The following TRAPPC9 variants were observed in gnomAD, a reference collection of about 807,000 sequenced individuals.
TRAPPC9 encodes trafficking protein particle complex subunit 9, also known as IKK2 binding protein.
Under a neutral mutation model 124.0 loss-of-function variants are expected in TRAPPC9, and 83 were observed. The ratio of observed to expected loss-of-function variants is 0.67; its 90% CI spans 0.56 to 0.80. The LOEUF is 0.80. Ranked by LOEUF, TRAPPC9 falls within the 30% of genes least tolerant of loss-of-function variation. TRAPPC9 has a pLI of 0.00. For missense variants in TRAPPC9, 1,302 were observed against 1,508.3 expected (o/e 0.86, Z 2.27); for synonymous variants, 638 against 617.5 (o/e 1.03, Z -0.49).
At chr8:140,450,765 G>A (rs1415802536) in intron 2 of TRAPPC9, 25 bp downstream of exon 2, 5 of 1,571,000 alleles carry the variant, frequency 3.2e-6, no homozygotes, top group South Asian at 2.3e-5. Context: ...GAAGCCAAGG[G>A]GCCTGGGTCT....
chr8:140,054,450 C>A (rs1025288593), intron 17 of TRAPPC9, among the ~76,000 whole-genome samples: 3 of 152,020 alleles, frequency 2.0e-5, no homozygotes, highest in Non-Finnish European at 4.4e-5. Context: ...GCAATAAACA[C>A]CTGTAATAAA....
At chr8:140,085,166 T>C (rs1587672636) in intron 17 of TRAPPC9, among the ~76,000 whole-genome samples, 1 of 151,836 alleles carries the variant, frequency 6.6e-6, no homozygotes, top group Non-Finnish European at 1.5e-5. Flanking sequence ...AAAAAGAGAG[T>C]TCCCCGACGC....
intron 9 of TRAPPC9, among the ~76,000 whole-genome samples, chr8:140,339,203 G>A (rs1240926591): frequency 2.0e-5 from 3 of 152,216 alleles, no homozygotes; most frequent in Non-Finnish European, 4.4e-5. Context: ...TGGCCTTACA[G>A]CCACCTACAG....
chr8:139,843,009 G>T (rs1276214918), intron 21 of TRAPPC9, among the ~76,000 whole-genome samples: 6 of 152,362 alleles, frequency 3.9e-5, no homozygotes, highest in African/African-American at 1.4e-4. Flanking sequence ...GCCTGCCCCA[G>T]CCACTGCCCA....
intron 15 of TRAPPC9, among the ~76,000 whole-genome samples, chr8:140,263,309 A>C (rs1446649353): frequency 2.0e-5 from 3 of 152,134 alleles, no homozygotes; most frequent in African/African-American, 7.2e-5. Flanking sequence ...CATTACTCTC[A>C]GAGCTCCGGG....
rs192426020 is a variant in TRAPPC9, at chr8:139,932,261, C to T, written c.2811-21961G>A. 6.6e-5 allele frequency: 30 copies of T among 452,664 alleles called. 1 individual carries two copies. Among genetic ancestry groups the T allele is most frequent in the African/African-American group, 3.8e-4 (19 of 50,150 alleles). The allele number at this position is 452,664 out of a possible 1,614,324, so 28.0% of individuals were successfully genotyped here. ...GTGCAGCCGAGGGAGTCCCGCACCACGGGGCCTCGCTCAGGGTAGCCACCA... is the reference window on the plus strand; with the variant it reads ...GTGCAGCCGAGGGAGTCCCGCACCATGGGGCCTCGCTCAGGGTAGCCACCA... On this transcript the variant is annotated intron_variant, in intron 19 of 22. Coordinates refer to ENST00000438773, the MANE Select transcript of TRAPPC9 (RefSeq NM_001160372.4).
chr8:139,826,866 A>G (rs1428190564), intron 21 of TRAPPC9, among the ~76,000 whole-genome samples: 1 of 152,208 alleles, frequency 6.6e-6, no homozygotes, highest in Non-Finnish European at 1.5e-5. Context: ...ATCAGTACAG[A>G]GAGCAAGGCA....
At chr8:139,906,786 C>T (rs569599985) in intron 20 of TRAPPC9, among the ~76,000 whole-genome samples, 6 of 152,306 alleles carry the variant, frequency 3.9e-5, no homozygotes, top group African/African-American at 7.2e-5. Context: ...GAGCTGCTCA[C>T]GCAGTGGCTC....
At chr8:140,418,387 C>T (rs941242121) in intron 5 of TRAPPC9, among the ~76,000 whole-genome samples, 4 of 152,150 alleles carry the variant, frequency 2.6e-5, no homozygotes, top group African/African-American at 9.7e-5. Flanking sequence ...AAACCAGAAA[C>T]AGACATCAAA....
chr8:140,033,688 T>TGTTG (rs1563707023), intron 17 of TRAPPC9, among the ~76,000 whole-genome samples: 1 of 115,080 alleles, frequency 8.7e-6, no homozygotes, highest in Non-Finnish European at 1.7e-5. Flanking sequence ...TTTTTTTTTT[T>TGTTG]TTTTTTTTTT....
At chr8:139,902,832 C>T (rs1312470096) in intron 20 of TRAPPC9, among the ~76,000 whole-genome samples, 1 of 152,196 alleles carries the variant, frequency 6.6e-6, no homozygotes, top group African/African-American at 2.4e-5. Context: ...CGGAAGGCAA[C>T]TCCTCCTTAC....
chr8:140,126,263 G>C (rs2061094910), intron 17 of TRAPPC9, among the ~76,000 whole-genome samples: 3 of 152,038 alleles, frequency 2.0e-5, no homozygotes, highest in Admixed American at 2.0e-4. Flanking sequence ...GGAGGGAGAG[G>C]ACCAGGCTGG....
chr8:140,192,657 C>A (rs1322879590), intron 17 of TRAPPC9, among the ~76,000 whole-genome samples: 1 of 152,232 alleles, frequency 6.6e-6, no homozygotes, highest in Non-Finnish European at 1.5e-5. Context: ...ACATGAGATG[C>A]ATTGAATGAA....
chr8:139,847,727 C>CGA (rs1165178453), intron 21 of TRAPPC9, among the ~76,000 whole-genome samples: 2,010 of 151,906 alleles, frequency 0.013, 38 homozygotes, highest in African/African-American at 0.045. Flanking sequence ...CACCTGCCCC[C>CGA]CTGGTGGCCC....
intron 17 of TRAPPC9, among the ~76,000 whole-genome samples, chr8:140,043,429 C>T (rs779319010): frequency 2.0e-5 from 3 of 152,206 alleles, no homozygotes; most frequent in Non-Finnish European, 4.4e-5. Flanking sequence ...AGTAACATGT[C>T]CCAGACCTCA....
chr8:140,058,517 C>T (rs545112067), intron 17 of TRAPPC9, among the ~76,000 whole-genome samples: 3 of 152,248 alleles, frequency 2.0e-5, no homozygotes, highest in African/African-American at 7.2e-5. Flanking sequence ...GCTGTGCACC[C>T]GGAAAACAGA....
intron 19 of TRAPPC9, among the ~76,000 whole-genome samples, chr8:139,980,816 G>A (rs1836843315): frequency 6.6e-6 from 1 of 152,178 alleles, no homozygotes; most frequent in Non-Finnish European, 1.5e-5. Flanking sequence ...GTGGGCGTGG[G>A]AGGAGCCACA....
At chr8:140,347,322 C>T (rs1416252312) in intron 9 of TRAPPC9, among the ~76,000 whole-genome samples, 3 of 152,228 alleles carry the variant, frequency 2.0e-5, no homozygotes, top group East Asian at 1.9e-4. Flanking sequence ...GACACCGAAA[C>T]GATGCTTCAC....
intron 21 of TRAPPC9, among the ~76,000 whole-genome samples, chr8:139,857,072 G>GCGGGTGCCTGCCCTGCATTT (rs71276841): frequency 2.0e-5 from 3 of 151,608 alleles, no homozygotes; most frequent in African/African-American, 7.3e-5. Flanking sequence ...TCAGACAGAG[G>GCGGGTGCCTGCCCTGCATTT]TGAAAGAGCA....
Sources: gnomAD v4.1 joint callset for allele counts (sites outside exome capture counted in the v4.1 genomes callset) on GRCh38, gnomAD v4.1.1 for gene constraint, MANE v1.5 for transcripts, NCBI Gene and HGNC (gene_info 2026-07-23, HGNC 2026-07-21) for gene names.